IFT52: variants seen among roughly 807,000 people sequenced by gnomAD.
IFT52 encodes the protein intraflagellar transport protein 52 homolog.
IFT52 carries 44 observed loss-of-function variants against 54.4 expected under a neutral mutation model. The ratio of observed to expected loss-of-function variants is 0.81; its 90% confidence interval spans 0.63 to 1.04. The LOEUF is 1.04. Among genes scored for constraint, IFT52 ranks in the 50% least tolerant of loss-of-function variants. IFT52 has a pLI of 0.00. For missense variants in IFT52, 452 were observed against 523.6 expected, an observed-to-expected ratio of 0.86 and a Z score of 1.33; for synonymous variants, 181 against 185.3, an observed-to-expected ratio of 0.98 and a Z score of 0.19.
intron 1 of IFT52, among the ~76,000 whole-genome samples, chr20:43,591,540 G>A (rs1981517815): frequency 6.6e-6 from 1 of 152,100 alleles, no homozygotes; most frequent in Admixed American, 6.6e-5. Context: ...ACCAGGGGCT[G>A]AACTAACAGA....
intron 5 of IFT52, among the ~76,000 whole-genome samples, chr20:43,604,469 G>A (rs981235757): frequency 2.0e-5 from 3 of 151,998 alleles, no homozygotes; most frequent in African/African-American, 4.8e-5. Context: ...CCAGCTACTC[G>A]GGAGGCTGAG....
intron 9 of IFT52, 93 bp from the exon 10 acceptor site, chr20:43,623,798 A>G (rs928241159): frequency 2.2e-6 from 3 of 1,357,952 alleles, no homozygotes; most frequent in African/African-American, 2.9e-5. Flanking sequence ...AAGAGAATAT[A>G]AATGTTGCAG....
chr20:43,604,236 G>T lies in IFT52; in HGVS notation c.391G>T (p.Val131Phe). 6.2e-7 allele frequency: 1 copy of T among 1,611,360 alleles called. No homozygotes were observed. Among genetic ancestry groups the T allele is most frequent in the Non-Finnish European group, 8.5e-7 (1 of 1,177,544 alleles). Residue 131 changes from valine to phenylalanine, a missense_variant, in exon 5 of 14, where the codon GTT becomes TTT. Coordinates refer to ENST00000373030, the MANE Select transcript of IFT52 (RefSeq NM_016004.5). ...HKYFHPKEAL[V>F]SSGVLNREIS... ...ATATTTCCATCCTAAAGAAGCTCTA[G>T]TTTCCAGTGGAGTCTTGAACAGGTA...
chr20:43,619,135 C>G (rs755095326), intron 8 of IFT52, 109 bp downstream of exon 8: 3 of 734,454 alleles, frequency 4.1e-6, no homozygotes, highest in Non-Finnish European at 6.7e-6. Context: ...ACTCAGAACC[C>G]ATTATATGCC....
chr20:43,616,146 T>TA (rs1020797980), intron 7 of IFT52, among the ~76,000 whole-genome samples: 6 of 152,098 alleles, frequency 3.9e-5, no homozygotes, highest in Non-Finnish European at 7.4e-5. Context: ...GTGATGTAGC[T>TA]AAAAAAACCG....
intron 6 of IFT52, among the ~76,000 whole-genome samples, chr20:43,611,077 AGTT>A (rs1379394440): frequency 1.3e-5 from 2 of 152,184 alleles, no homozygotes; most frequent in Non-Finnish European, 2.9e-5. Context: ...GAATATGTCT[AGTT>A]GTTCCTTTCC....
chr20:43,605,158 G>A (rs190689442), intron 6 of IFT52, 85 bp downstream of exon 6: 47 of 1,554,734 alleles, frequency 3.0e-5, no homozygotes, highest in Non-Finnish European at 2.4e-5. Context: ...TTTGTTTCTG[G>A]TTACAAAAAT....
intron 10 of IFT52, among the ~76,000 whole-genome samples, 198 bp from the exon 11 acceptor site, chr20:43,635,727 AT>A (rs1396179348): frequency 6.6e-6 from 1 of 152,180 alleles, no homozygotes; most frequent in Non-Finnish European, 1.5e-5. Flanking sequence ...CAGTGAACAT[AT>A]GCATGCATGT....
chr20:43,602,169 T>TTATG, intron 3 of IFT52, among the ~76,000 whole-genome samples: 1 of 151,354 alleles, frequency 6.6e-6, no homozygotes, highest in Non-Finnish European at 1.5e-5. Context: ...ATTTATTTAT[T>TTATG]TATTTATTTA....
At chr20:43,599,966 A>G (rs1293597599) in intron 3 of IFT52, among the ~76,000 whole-genome samples, 1 of 152,200 alleles carries the variant, frequency 6.6e-6, no homozygotes, top group East Asian at 1.9e-4. Flanking sequence ...CACCATTAAA[A>G]AAGTAAAGCA....
intron 6 of IFT52, among the ~76,000 whole-genome samples, chr20:43,607,632 G>A (rs1326862218): frequency 1.4e-5 from 2 of 145,248 alleles, no homozygotes; most frequent in South Asian, 2.3e-4. Flanking sequence ...ATGGGATGGC[G>A]GCCGGGCAGA....
intron 10 of IFT52, among the ~76,000 whole-genome samples, chr20:43,634,843 C>T (rs6103402): frequency 5.8e-4 from 88 of 152,074 alleles, no homozygotes; most frequent in African/African-American, 2.1e-3. Context: ...CCCTATGTGT[C>T]TGTGTGCTCT....
intron 12 of IFT52, among the ~76,000 whole-genome samples, chr20:43,641,144 A>G (rs1568810765): frequency 6.6e-6 from 1 of 151,732 alleles, no homozygotes; most frequent in South Asian, 2.1e-4. Context: ...TCACAGAGCT[A>G]TGTTGTTGGT....
At chr20:43,640,849 G>A (rs1225770852) in intron 12 of IFT52, among the ~76,000 whole-genome samples, 20 of 151,916 alleles carry the variant, frequency 1.3e-4, no homozygotes, top group Admixed American at 1.1e-3. Context: ...CAGCTTGGGC[G>A]ACATGGTGAA....
intron 8 of IFT52, among the ~76,000 whole-genome samples, chr20:43,619,947 C>T (rs978761281): frequency 2.6e-4 from 28 of 105,760 alleles, no homozygotes; most frequent in African/African-American, 1.0e-3. Flanking sequence ...CATGGAGTCT[C>T]TGTCTGTCAC....
At position 43,636,092 on chromosome 20, in the gene IFT52, C is replaced by T. The variant is rs776905174; in HGVS notation, c.1011+79C>T. 337 of 1,323,446 alleles carry T rather than the reference C, an allele frequency of 2.5e-4. 1 individual carries two copies. The highest frequency in any genetic ancestry group is 3.5e-4 in the Non-Finnish European group (322 of 924,740). The allele number at this position is 1,323,446 out of a possible 1,614,324, so 82.0% of individuals were successfully genotyped here. A position where few individuals can be genotyped will look rare whatever the true frequency, so the allele number is the denominator to read the frequency against. On this transcript the variant is annotated intron_variant, in intron 11 of 13. Transcript: ENST00000373030. ...CTTGTCAGCAGGCATTCGCTGTGGTCCCTTCCATGTGCCATTTGTGGCACT... is the reference window on the plus strand; with the variant it reads ...CTTGTCAGCAGGCATTCGCTGTGGTTCCTTCCATGTGCCATTTGTGGCACT...
At chr20:43,600,188 G>A (rs1035394530) in intron 3 of IFT52, among the ~76,000 whole-genome samples, 1 of 152,092 alleles carries the variant, frequency 6.6e-6, no homozygotes, top group African/African-American at 2.4e-5. Context: ...CCGATGAATG[G>A]GATAGGTACA....
intron 10 of IFT52, among the ~76,000 whole-genome samples, chr20:43,628,154 C>T (rs1984885253): frequency 6.6e-6 from 1 of 151,998 alleles, no homozygotes; most frequent in Admixed American, 6.6e-5. Flanking sequence ...GTCTCAAACT[C>T]CTGACTTCAA....
chr20:43,633,853 C>T (rs1985345197), intron 10 of IFT52, among the ~76,000 whole-genome samples: 1 of 152,044 alleles, frequency 6.6e-6, no homozygotes, highest in Non-Finnish European at 1.5e-5. Flanking sequence ...GGACAAATCT[C>T]AATACCAGAA....
Sources: allele counts gnomAD v4.1 joint callset (sites outside exome capture counted in the v4.1 genomes callset), GRCh38; gene constraint gnomAD v4.1.1; transcripts MANE v1.5; gene names NCBI Gene and HGNC (gene_info 2026-07-23, HGNC 2026-07-21).